The following IL1RAPL2 variants were observed in gnomAD, a reference collection of about 807,000 sequenced individuals.
The protein encoded by IL1RAPL2 is X-linked interleukin-1 receptor accessory protein-like 2.
IL1RAPL2 carries 3 observed loss-of-function variants against 44.1 expected under a neutral mutation model. The observed-to-expected ratio is 0.07, with a 90% CI of 0.03 to 0.18. The LOEUF (loss-of-function observed/expected upper bound fraction) is 0.18. Ranked by LOEUF, IL1RAPL2 falls within the 10% of genes least tolerant of loss-of-function variation. The pLI is 1.00. For synonymous variants in IL1RAPL2, 181 were observed against 178.8 expected (o/e 1.01, Z -0.10); for missense variants, 391 against 496.4 (o/e 0.79, Z 2.02).
intron 2 of IL1RAPL2, among the ~76,000 whole-genome samples, chrX:104,890,261 T>C (rs1923386092): frequency 8.9e-6 from 1 of 111,932 alleles, no homozygotes; most frequent in South Asian, 3.8e-4. Flanking sequence ...TAAACATACG[T>C]GTGCATGTAT....
intron 2 of IL1RAPL2, among the ~76,000 whole-genome samples, chrX:104,908,721 C>G (rs1924123439): frequency 9.1e-6 from 1 of 109,796 alleles, no homozygotes; most frequent in African/African-American, 3.3e-5. Context: ...ACCTTTCTCT[C>G]TGGCTGCCCT....
At position 105,196,351 on chromosome X, in the gene IL1RAPL2, G is replaced by T. The variant is rs142357113; in HGVS notation, c.356+603G>T. 6.3e-5 allele frequency among the ~76,000 whole-genome samples: 7 copies of T among 111,399 alleles called. No homozygotes were observed. In the East Asian group the frequency reaches 1.7e-3, roughly 27 times the overall value. On this transcript the variant is annotated intron_variant, in intron 3 of 10. Coordinates refer to ENST00000372582, the MANE Select transcript of IL1RAPL2 (RefSeq NM_017416.2). ...TCCCTCACTCCACCCCTGCCGCATG[G>T]TCTTATATTAACAATTAGTTTTGCA...
intron 2 of IL1RAPL2, among the ~76,000 whole-genome samples, chrX:104,930,543 ATC>A (rs1335069420): frequency 3.6e-5 from 4 of 112,149 alleles, no homozygotes; most frequent in South Asian, 3.7e-4. Context: ...TTGTATTATT[ATC>A]TCTGTTTTAC....
Position 104,911,566 on chromosome X carries a change from A to G in IL1RAPL2, c.82+252571A>G, listed in dbSNP as rs755432835. Among the ~76,000 whole-genome samples the G allele has an allele frequency of 1.4e-3, 162 of 111,825 alleles. 1 individual carries two copies. Among genetic ancestry groups the G allele is most frequent in the African/African-American group, 4.9e-3 (150 of 30,790 alleles). On this transcript the variant is annotated intron_variant, in intron 2 of 10. Coordinates refer to ENST00000372582, the MANE Select transcript of IL1RAPL2 (RefSeq NM_017416.2). ...ACTACCACCATAGGCAAGTGAACAA[A>G]TATCTCTTCCTGCAGTGGTCTCTGT...
chrX:105,054,344 T>C (rs1245573813), intron 2 of IL1RAPL2, among the ~76,000 whole-genome samples: 1 of 111,939 alleles, frequency 8.9e-6, no homozygotes, highest in Non-Finnish European at 1.9e-5. Flanking sequence ...AGTAAAATGA[T>C]GTTGCTTTGA....
chrX:105,258,288 C>G (rs2034330839), intron 4 of IL1RAPL2, among the ~76,000 whole-genome samples: 1 of 111,486 alleles, frequency 9.0e-6, no homozygotes, highest in Non-Finnish European at 1.9e-5. Context: ...AGAGTTTCAG[C>G]TGGGAGGTCT....
intron 5 of IL1RAPL2, among the ~76,000 whole-genome samples, chrX:105,359,653 G>T: frequency 9.1e-6 from 1 of 110,472 alleles, no homozygotes; most frequent in Non-Finnish European, 1.9e-5. Context: ...CTTGCAAATG[G>T]TGGCAGTAGA....
At chrX:105,339,737 A>G (rs778893035) in intron 5 of IL1RAPL2, among the ~76,000 whole-genome samples, 1 of 111,646 alleles carries the variant, frequency 9.0e-6, no homozygotes, top group Admixed American at 9.6e-5. Context: ...ACTGAGGCAG[A>G]TGATGATCAG....
chrX:105,349,961 A>G (rs1194521137), intron 5 of IL1RAPL2, among the ~76,000 whole-genome samples: 1 of 112,337 alleles, frequency 8.9e-6, no homozygotes, highest in Non-Finnish European at 1.9e-5. Flanking sequence ...TTGGCTAAAA[A>G]AAGCCAAACA....
In IL1RAPL2 at chrX:105,220,088, C is replaced by T. The variant is rs782035203; in HGVS notation, c.357-13730C>T. 43 of 1,210,081 alleles carry T rather than the reference C, an allele frequency of 3.6e-5. 1 individual carries two copies. Among genetic ancestry groups the T allele is most frequent in the Middle Eastern group, 2.3e-4 (1 of 4,372 alleles). ...TTCAGGTCTGATGCCAAGGCCTGTGCGGCTGATTTGTGCAGTTTGGCGAAG... is the reference window on the plus strand; with the variant it reads ...TTCAGGTCTGATGCCAAGGCCTGTGTGGCTGATTTGTGCAGTTTGGCGAAG... On this transcript the variant is annotated intron_variant, in intron 3 of 10. Coordinates refer to ENST00000372582, the MANE Select transcript of IL1RAPL2 (RefSeq NM_017416.2).
chrX:105,340,416 A>G (rs986248720), intron 5 of IL1RAPL2, among the ~76,000 whole-genome samples: 1 of 111,667 alleles, frequency 9.0e-6, no homozygotes, highest in Non-Finnish European at 1.9e-5. Context: ...TACTGCAAAA[A>G]TCTCCAGGCT....
chrX:104,670,669 C>A (rs764151909), intron 2 of IL1RAPL2, among the ~76,000 whole-genome samples: 2 of 110,637 alleles, frequency 1.8e-5, no homozygotes, highest in East Asian at 5.7e-4. Flanking sequence ...TTGTGTGATG[C>A]TAAGGTTTGT....
rs763189191 is a variant in IL1RAPL2, at chrX:104,598,205, T to A, written c.-20+31154T>A. 7.1e-5 allele frequency among the ~76,000 whole-genome samples: 8 copies of A among 112,238 alleles called. No individual in the cohort carries two copies. The South Asian group carries it at 2.6e-3, about 36-fold the overall frequency. On this transcript the variant is annotated intron_variant, in intron 1 of 10. Coordinates refer to ENST00000372582, the MANE Select transcript of IL1RAPL2 (RefSeq NM_017416.2). ...GCCTTCTTATGTCTGGAGTTTAGACTTTTTTTGTGTGTGTTTTGTATTACA... is the reference window on the plus strand; with the variant it reads ...GCCTTCTTATGTCTGGAGTTTAGACATTTTTTGTGTGTGTTTTGTATTACA...
chrX:104,783,762 A>G (rs1249517065), intron 2 of IL1RAPL2, among the ~76,000 whole-genome samples: 2 of 107,881 alleles, frequency 1.9e-5, no homozygotes, highest in African/African-American at 6.7e-5. Context: ...CCCAAGTCAT[A>G]CTAGATTTAC....
chrX:105,429,135 T>A (rs1205967953), intron 5 of IL1RAPL2, among the ~76,000 whole-genome samples: 1 of 111,842 alleles, frequency 8.9e-6, no homozygotes, highest in Non-Finnish European at 1.9e-5. Context: ...GTTCACCACT[T>A]AGCACTTTGT....
chrX:105,506,514 C>T (rs2036432359), intron 6 of IL1RAPL2, among the ~76,000 whole-genome samples: 1 of 111,415 alleles, frequency 9.0e-6, no homozygotes, highest in African/African-American at 3.3e-5. Flanking sequence ...TCTTCTAAGA[C>T]AGTGAGAAGA....
At chrX:105,302,460 A>G (rs1458273427) in intron 5 of IL1RAPL2, among the ~76,000 whole-genome samples, 2 of 111,928 alleles carry the variant, frequency 1.8e-5, no homozygotes, top group Non-Finnish European at 3.8e-5. Context: ...TCAGCAAGTG[A>G]TGAATCCTGC....
At chrX:105,426,857 C>T (rs2147748640) in intron 5 of IL1RAPL2, among the ~76,000 whole-genome samples, 1 of 111,904 alleles carries the variant, frequency 8.9e-6, no homozygotes, top group South Asian at 3.8e-4. Flanking sequence ...TCAGACCCCA[C>T]CAGAGAAAAC....
chrX:104,905,823 T>C (rs1429428708), intron 2 of IL1RAPL2, among the ~76,000 whole-genome samples: 2 of 111,263 alleles, frequency 1.8e-5, no homozygotes, highest in African/African-American at 6.5e-5. Flanking sequence ...TAAAGTAGTT[T>C]TTTCCAATTC....
Sources: gnomAD v4.1 joint callset for allele counts (sites outside exome capture counted in the v4.1 genomes callset) on GRCh38, gnomAD v4.1.1 for gene constraint, MANE v1.5 for transcripts, NCBI Gene and HGNC (gene_info 2026-07-23, HGNC 2026-07-21) for gene names.